CHUK: variants seen among roughly 807,000 people sequenced by gnomAD.
The protein encoded by CHUK is component of inhibitor of nuclear factor kappa B kinase complex, also known as inhibitor of nuclear factor kappa-B kinase subunit alpha.
A neutral mutation model predicts 104.8 loss-of-function variants in CHUK; 35 were observed. The ratio of observed to expected loss-of-function variants is 0.33; its 90% CI spans 0.26 to 0.44. The LOEUF is 0.44. CHUK is among the 20% of genes least tolerant of loss of function. The pLI is 1.00. For synonymous variants in CHUK, 276 were observed against 291.9 expected (o/e 0.95, Z 0.56); for missense variants, 663 against 902.7 (o/e 0.73, Z 3.40).
chr10:100,197,612 C>G (rs7911057), intron 16 of CHUK, among the ~76,000 whole-genome samples: 30,189 of 152,092 alleles, frequency 0.2, 5,335 homozygotes, highest in African/African-American at 0.48. Context: ...CCTATATTTA[C>G]GTTTTCTCTC....
chr10:100,197,893 C>T (rs538819515), intron 16 of CHUK, among the ~76,000 whole-genome samples: 2 of 152,050 alleles, frequency 1.3e-5, no homozygotes, highest in African/African-American at 2.4e-5. Context: ...TTTTCTAAAA[C>T]AAAAAAATTT....
rs747695511 is a variant in CHUK, at chr10:100,218,838, A to G, written c.690-13T>C. On this transcript the variant is annotated splice_polypyrimidine_tract_variant and intron_variant, in intron 7 of 20. Coordinates refer to ENST00000370397, the MANE Select transcript of CHUK (RefSeq NM_001278.5). ...AATCTTCTCATGCCTATAAAATCAA[A>G]AGCTACCTCAGTTGACAAAGTGATT... 6.9e-6 allele frequency: 11 copies of G among 1,592,830 alleles called. No individual in the cohort carries two copies. In the South Asian group the frequency reaches 1.2e-4, roughly 18 times the overall value.
intron 14 of CHUK, among the ~76,000 whole-genome samples, chr10:100,201,061 C>T (rs1845449895): frequency 6.6e-6 from 1 of 152,128 alleles, no homozygotes. Context: ...AAAGCTACAA[C>T]AGGTATCAAC....
At chr10:100,223,449 G>A in intron 2 of CHUK, among the ~76,000 whole-genome samples, 1 of 151,950 alleles carries the variant, frequency 6.6e-6, no homozygotes, top group East Asian at 1.9e-4. Flanking sequence ...GATCAGCATG[G>A]GTAACACAGT....
chr10:100,210,686 A>G (rs1252427731), intron 9 of CHUK, among the ~76,000 whole-genome samples: 1 of 152,236 alleles, frequency 6.6e-6, no homozygotes, highest in East Asian at 1.9e-4. Flanking sequence ...CTCTTTAAAC[A>G]GGAAAAAGCA....
chr10:100,204,027 G>A (rs1845531418), intron 13 of CHUK, among the ~76,000 whole-genome samples: 1 of 152,196 alleles, frequency 6.6e-6, no homozygotes, highest in Non-Finnish European at 1.5e-5. Context: ...ACATGCAGAA[G>A]GGATGAGGGA....
At chr10:100,228,516 C>T (rs1846154968) in intron 1 of CHUK, among the ~76,000 whole-genome samples, 1 of 152,100 alleles carries the variant, frequency 6.6e-6, no homozygotes, top group South Asian at 2.1e-4. Context: ...ATTAGCCAGG[C>T]ACGGTGGCGG....
intron 19 of CHUK, chr10:100,192,553 A>G (rs1427703876): frequency 4.0e-5 from 38 of 959,998 alleles, no homozygotes; most frequent in Non-Finnish European, 4.7e-5. Context: ...GTGATGTAAC[A>G]TGGCTGCACT....
At chr10:100,218,333 T>C (rs1431848320) in intron 8 of CHUK, among the ~76,000 whole-genome samples, 1 of 152,204 alleles carries the variant, frequency 6.6e-6, no homozygotes, top group African/African-American at 2.4e-5. Flanking sequence ...CCACATATGT[T>C]AGTTACTGAC....
rs1845126700 is a variant in CHUK at position 100,188,641 on chromosome 10, A to T, written c.*957T>A. ...TCATCATCAAGCAGCAAAATAAAGG[A>T]ATATTCACACTAAATGGGATAAAAA... On this transcript the variant is annotated 3_prime_UTR_variant, in exon 21 of 21. Coordinates refer to ENST00000370397, the MANE Select transcript of CHUK (RefSeq NM_001278.5). 1.3e-5 allele frequency: 2 copies of T among 152,574 alleles called. No homozygotes were observed. The highest frequency in any genetic ancestry group is 2.9e-5 in the Non-Finnish European group (2 of 68,044). 9.5% of individuals were successfully genotyped at this position (152,574 alleles called of 1,614,324 possible).
intron 4 of CHUK, 28 bp downstream of exon 4, chr10:100,222,084 A>C (rs1167207166): frequency 8.6e-7 from 1 of 1,162,074 alleles, no homozygotes. Context: ...ACATTACATT[A>C]CAATGGTATT....
At chr10:100,206,786 T>C (rs1413478578) in intron 11 of CHUK, among the ~76,000 whole-genome samples, 1 of 152,232 alleles carries the variant, frequency 6.6e-6, no homozygotes, top group East Asian at 1.9e-4. Context: ...AATTTTGTGC[T>C]TTACTTTATT....
At position 100,191,599 on chromosome 10, in the gene CHUK, T is replaced by C. The variant is rs569430467; in HGVS notation, c.2109-631A>G. 2.6e-4 allele frequency among the ~76,000 whole-genome samples: 39 copies of C among 152,348 alleles called. No homozygotes were observed. The South Asian group carries it at 7.5e-3, about 29-fold the overall frequency. On this transcript the variant is annotated intron_variant, in intron 19 of 20. Transcript: ENST00000370397. ...TGAAGGCAGTCCTGATTGTGGTTTC[T>C]ACCTTCATGCTTTCCTCTTCTATAT... is the stretch of plus-strand genomic sequence containing the variant.
intron 19 of CHUK, among the ~76,000 whole-genome samples, chr10:100,191,281 G>A (rs1210442211): frequency 1.3e-5 from 2 of 152,166 alleles, no homozygotes; most frequent in African/African-American, 4.8e-5. Flanking sequence ...TAACTAGGGA[G>A]GAAAAAATCC....
intron 9 of CHUK, among the ~76,000 whole-genome samples, chr10:100,216,715 A>G (rs1186427398): frequency 6.6e-6 from 1 of 152,214 alleles, no homozygotes; most frequent in Non-Finnish European, 1.5e-5. Context: ...AGAAACCTGT[A>G]TACTACAAAC....
At chr10:100,189,734 T>C in intron 20 of CHUK, 107 bp from the exon 21 acceptor site, 1 of 766,664 alleles carries the variant, frequency 1.3e-6, no homozygotes, top group Non-Finnish European at 2.3e-6. Context: ...TAATCAAAAG[T>C]TGAAAAATCA....
rs2134243866 is a variant in CHUK at position 100,219,061 on chromosome 10, A to G, written c.636T>C (p.Phe212=). 1.9e-6 allele frequency: 3 copies of G among 1,613,902 alleles called. No individual in the cohort carries two copies. Among genetic ancestry groups the G allele is most frequent in the Middle Eastern group, 1.7e-4 (1 of 6,060 alleles). The part of the protein sequence containing the change: ...VDYWSFGTMV[F]ECIAGYRPFL... Reference sequence around the variant, plus strand: ...AAGGCCTATATCCAGCAATACATTCAAATACCATGGTCCCAAAGCTCCAAT... The same window carrying G: ...AAGGCCTATATCCAGCAATACATTCGAATACCATGGTCCCAAAGCTCCAAT... Residue 212 remains phenylalanine, a synonymous_variant, in exon 7 of 21, where the codon TTT becomes TTC. Coordinates refer to ENST00000370397, the MANE Select transcript of CHUK (RefSeq NM_001278.5).
intron 19 of CHUK, 63 bp downstream of exon 19, chr10:100,193,235 C>A (rs142934281): frequency 1.3e-6 from 2 of 1,570,128 alleles, no homozygotes; most frequent in African/African-American, 2.7e-5. Context: ...TTAACAACTA[C>A]TGCCTCATTC....
At chr10:100,225,638 T>C (rs1195580345) in intron 2 of CHUK, among the ~76,000 whole-genome samples, 1 of 152,230 alleles carries the variant, frequency 6.6e-6, no homozygotes, top group Non-Finnish European at 1.5e-5. Context: ...CTGGATCATA[T>C]GGTAATTCTA....
Sources: allele counts gnomAD v4.1 joint callset (sites outside exome capture counted in the v4.1 genomes callset), GRCh38; gene constraint gnomAD v4.1.1; transcripts MANE v1.5; gene names NCBI Gene and HGNC (gene_info 2026-07-23, HGNC 2026-07-21).